ARHGAP42: variants seen among roughly 807,000 people sequenced by gnomAD.
The protein encoded by ARHGAP42 is Rho GTPase activating protein 42.
A neutral mutation model predicts 125.0 loss-of-function variants in ARHGAP42; 63 were observed. The observed-to-expected ratio is 0.50, with a 90% confidence interval of 0.41 to 0.62. ARHGAP42 has a LOEUF of 0.62. ARHGAP42 is among the 20% of genes least tolerant of loss of function. ARHGAP42 has a pLI of 0.00. For missense variants in ARHGAP42, 766 were observed against 1,024.2 expected, an observed-to-expected ratio of 0.75 and a Z score of 3.44; for synonymous variants, 339 against 351.0, an observed-to-expected ratio of 0.97 and a Z score of 0.38.
chr11:100,800,367 T>C (rs1192282134), intron 3 of ARHGAP42, among the ~76,000 whole-genome samples: 1 of 152,106 alleles, frequency 6.6e-6, no homozygotes, highest in Non-Finnish European at 1.5e-5. Flanking sequence ...ACAGGGAAGT[T>C]GTGAAATGTG....
chr11:100,971,575 A>G (rs1858249837), intron 17 of ARHGAP42, among the ~76,000 whole-genome samples: 1 of 152,178 alleles, frequency 6.6e-6, no homozygotes, highest in Non-Finnish European at 1.5e-5. Context: ...AGTCATTAAA[A>G]TAATCCATCT....
At chr11:100,707,633 G>A (rs550659686) in intron 1 of ARHGAP42, among the ~76,000 whole-genome samples, 1 of 152,188 alleles carries the variant, frequency 6.6e-6, no homozygotes, top group Non-Finnish European at 1.5e-5. Context: ...ACAGTGTTGA[G>A]CAAGGACGAA....
chr11:100,987,963 A>G (rs1858727877), intron 23 of ARHGAP42, among the ~76,000 whole-genome samples: 2 of 152,108 alleles, frequency 1.3e-5, no homozygotes, highest in South Asian at 4.1e-4. Context: ...CCCTGTCTCT[A>G]CTAAAAATAC....
intron 4 of ARHGAP42, among the ~76,000 whole-genome samples, chr11:100,906,299 C>G (rs193082447): frequency 2.6e-5 from 4 of 152,230 alleles, no homozygotes; most frequent in African/African-American, 7.2e-5. Context: ...TACCCTCAAC[C>G]TGGATTGATA....
intron 3 of ARHGAP42, among the ~76,000 whole-genome samples, chr11:100,820,406 C>T (rs1301945676): frequency 6.6e-6 from 1 of 151,984 alleles, no homozygotes; most frequent in Non-Finnish European, 1.5e-5. Flanking sequence ...TAGAGGGACT[C>T]CTGAATGTTC....
intron 3 of ARHGAP42, among the ~76,000 whole-genome samples, chr11:100,830,833 C>G (rs1422551882): frequency 1.3e-5 from 2 of 152,026 alleles, no homozygotes; most frequent in Non-Finnish European, 2.9e-5. Context: ...CAATAGCCTG[C>G]TTTGAGAAAC....
chr11:100,744,525 T>G (rs1862254551), intron 1 of ARHGAP42, among the ~76,000 whole-genome samples: 1 of 147,922 alleles, frequency 6.8e-6, no homozygotes, highest in Non-Finnish European at 1.5e-5. Context: ...TTGAATTTGT[T>G]TTATATTTTA....
At chr11:100,882,796 GT>G (rs1410026815) in intron 4 of ARHGAP42, among the ~76,000 whole-genome samples, 10 of 152,036 alleles carry the variant, frequency 6.6e-5, no homozygotes, top group Non-Finnish European at 1.2e-4. Flanking sequence ...GTATCTGTCT[GT>G]TTAGGGTATC....
intron 3 of ARHGAP42, among the ~76,000 whole-genome samples, chr11:100,821,092 A>G (rs1209830119): frequency 6.6e-6 from 1 of 152,134 alleles, no homozygotes; most frequent in Non-Finnish European, 1.5e-5. Flanking sequence ...AAAGCCTATT[A>G]TAAACCTGAA....
chr11:100,776,174 T>G (rs1270837596), intron 2 of ARHGAP42, among the ~76,000 whole-genome samples: 1 of 145,214 alleles, frequency 6.9e-6, no homozygotes, highest in Non-Finnish European at 1.5e-5. Flanking sequence ...AAAAAAAAAG[T>G]TAGATATTGT....
chr11:100,867,641 A>G (rs1159158297), intron 4 of ARHGAP42, among the ~76,000 whole-genome samples: 1 of 152,234 alleles, frequency 6.6e-6, no homozygotes, highest in African/African-American at 2.4e-5. Context: ...TATTTGCAAT[A>G]AAGTCTGTTT....
chr11:100,749,657 C>T (rs754962044), intron 1 of ARHGAP42, among the ~76,000 whole-genome samples: 3 of 152,144 alleles, frequency 2.0e-5, no homozygotes, highest in East Asian at 1.9e-4. Flanking sequence ...TTAGTGTTTC[C>T]GATAGGCGTA....
intron 22 of ARHGAP42, chr11:100,985,943 C>T (rs1858667686): frequency 4.8e-6 from 2 of 417,092 alleles, no homozygotes; most frequent in African/African-American, 4.1e-5. Context: ...GCAAATGCTG[C>T]TGACGCTGCT....
chr11:100,800,606 C>A (rs1459531470), intron 3 of ARHGAP42, among the ~76,000 whole-genome samples: 1 of 152,044 alleles, frequency 6.6e-6, no homozygotes, highest in Non-Finnish European at 1.5e-5. Context: ...GAAGGAAGAT[C>A]CGACCACCCA....
chr11:100,762,922 T>C (rs1256521365), intron 1 of ARHGAP42, among the ~76,000 whole-genome samples: 1 of 152,018 alleles, frequency 6.6e-6, no homozygotes, highest in Non-Finnish European at 1.5e-5. Flanking sequence ...CTTTCTGTGA[T>C]ATTTGTGTGC....
intron 3 of ARHGAP42, among the ~76,000 whole-genome samples, chr11:100,826,767 C>T (rs1253008702): frequency 6.6e-6 from 1 of 152,112 alleles, no homozygotes; most frequent in Non-Finnish European, 1.5e-5. Flanking sequence ...TCATGTCACC[C>T]CTGTCTCTCT....
At chr11:100,903,665 G>A (rs1270753170) in intron 4 of ARHGAP42, among the ~76,000 whole-genome samples, 8 of 134,060 alleles carry the variant, frequency 6.0e-5, no homozygotes, top group Admixed American at 5.7e-4. Context: ...ATTAGTCAGG[G>A]TTCTCTTAGA....
intron 1 of ARHGAP42, among the ~76,000 whole-genome samples, chr11:100,739,349 A>G (rs1176472862): frequency 6.6e-6 from 1 of 152,008 alleles, no homozygotes; most frequent in Non-Finnish European, 1.5e-5. Flanking sequence ...AACCTGAAGA[A>G]CTCTTGATTT....
intron 5 of ARHGAP42, among the ~76,000 whole-genome samples, chr11:100,919,042 A>C (rs1940220): frequency 0.14 from 21,266 of 152,140 alleles, 1,666 homozygotes; most frequent in African/African-American, 0.18. Flanking sequence ...AAAAGGAAAT[A>C]AAAAAGGGTA....
Sources: gnomAD v4.1 joint callset for allele counts (sites outside exome capture counted in the v4.1 genomes callset) on GRCh38, gnomAD v4.1.1 for gene constraint, MANE v1.5 for transcripts, NCBI Gene and HGNC (gene_info 2026-07-23, HGNC 2026-07-21) for gene names.